B3GLCT: variants seen among roughly 807,000 people sequenced by gnomAD.
B3GLCT encodes the protein beta 3-glucosyltransferase, also known as beta-1,3-glucosyltransferase.
A neutral mutation model predicts 63.4 loss-of-function variants in B3GLCT; 65 were observed. The ratio of observed to expected loss-of-function variants is 1.03; its 90% CI spans 0.84 to 1.26. The LOEUF is 1.26. Ranked by LOEUF, B3GLCT falls within the 50% of genes most tolerant of loss-of-function variation. B3GLCT has a pLI of 0.00. For missense variants in B3GLCT, 577 were observed against 604.8 expected (o/e 0.95, Z 0.48); for synonymous variants, 233 against 219.2 (o/e 1.06, Z -0.55).
At chr13:31,320,334 A>T (rs1011790032) in intron 13 of B3GLCT, among the ~76,000 whole-genome samples, 1 of 152,164 alleles carries the variant, frequency 6.6e-6, no homozygotes, top group Non-Finnish European at 1.5e-5. Flanking sequence ...AGTTTGCCTG[A>T]TTACCAGCCT....
At chr13:31,299,615 G>A (rs1185480361) in intron 12 of B3GLCT, among the ~76,000 whole-genome samples, 2 of 152,166 alleles carry the variant, frequency 1.3e-5, no homozygotes, top group East Asian at 3.9e-4. Context: ...GTTCTTATTG[G>A]CATTTTGTGC....
chr13:31,275,044 A>G (rs1872719325), intron 9 of B3GLCT, among the ~76,000 whole-genome samples: 1 of 152,106 alleles, frequency 6.6e-6, no homozygotes, highest in Admixed American at 6.5e-5. Context: ...ATTCTTTCTT[A>G]TGGCTGCATA....
chr13:31,255,380 G>A (rs1350909963), intron 6 of B3GLCT, among the ~76,000 whole-genome samples: 1 of 152,096 alleles, frequency 6.6e-6, no homozygotes, highest in African/African-American at 2.4e-5. Flanking sequence ...TACTGACCAA[G>A]GTAATTTATA....
At chr13:31,274,262 G>A (rs956025678) in intron 8 of B3GLCT, among the ~76,000 whole-genome samples, 1 of 152,134 alleles carries the variant, frequency 6.6e-6, no homozygotes, top group African/African-American at 2.4e-5. Flanking sequence ...GCATACTTCG[G>A]AATTTTTTGG....
intron 6 of B3GLCT, among the ~76,000 whole-genome samples, chr13:31,258,448 T>C (rs898812662): frequency 1.3e-5 from 2 of 152,198 alleles, no homozygotes; most frequent in African/African-American, 4.8e-5. Context: ...ACTACTACGC[T>C]GTTTCAGGCT....
Position 31,274,537 on chromosome 13 carries a change from G to A in B3GLCT, c.689G>A (p.Gly230Glu). The change falls in exon 9 of 15, where the codon GGA becomes GAA. Residue 230 changes from glycine (G) to glutamate (E), a missense_variant. By Grantham distance (98) the Gly-to-Glu change is moderately conservative. Coordinates refer to ENST00000343307, the MANE Select transcript of B3GLCT (RefSeq NM_194318.4). Reference protein sequence around the residue: ...EIALYIWDKGGGPPLTPVPEF... With the variant: ...EIALYIWDKGEGPPLTPVPEF... ...GCCCTCTACATCTGGGACAAAGGCGGAGGACCTCCCCTGACCCCAGTGCCT... is the reference window on the plus strand; with the variant it reads ...GCCCTCTACATCTGGGACAAAGGCGAAGGACCTCCCCTGACCCCAGTGCCT... 3 of 1,614,184 alleles carry A rather than the reference G, an allele frequency of 1.9e-6. No individual in the cohort carries two copies. Among genetic ancestry groups the A allele is most frequent in the Non-Finnish European group, 2.5e-6 (3 of 1,180,024 alleles).
chr13:31,285,848 T>C (rs1023621273), intron 11 of B3GLCT, among the ~76,000 whole-genome samples: 3 of 152,216 alleles, frequency 2.0e-5, no homozygotes, highest in Non-Finnish European at 2.9e-5. Context: ...TATTTACTTA[T>C]ACCTTATTTG....
intron 1 of B3GLCT, among the ~76,000 whole-genome samples, chr13:31,208,330 T>C (rs577665571): frequency 5.3e-5 from 8 of 152,236 alleles, no homozygotes; most frequent in Admixed American, 5.2e-4. Flanking sequence ...AATGTTGCAG[T>C]TCCCCTGAGC....
In B3GLCT at chr13:31,277,697, CAAATA is replaced by C. The variant is rs1001419454; in HGVS notation, c.850+933_850+937del. Among the ~76,000 whole-genome samples, 22 of 151,942 alleles carry C rather than the reference CAAATA, an allele frequency of 1.4e-4. 1 individual carries two copies. Among genetic ancestry groups the C allele is most frequent in the African/African-American group, 3.4e-4 (14 of 41,448 alleles). On this transcript the variant is annotated intron_variant, in intron 10 of 14. Coordinates refer to ENST00000343307, the MANE Select transcript of B3GLCT (RefSeq NM_194318.4). ...ATATTTTACAGGGGAAGATGTTTTC[CAAATA>C]AAATAATATTATAATTTGAGATTAT...
chr13:31,272,437 T>C (rs553349595), intron 8 of B3GLCT, among the ~76,000 whole-genome samples: 1 of 152,090 alleles, frequency 6.6e-6, no homozygotes, highest in Non-Finnish European at 1.5e-5. Flanking sequence ...AGGCTGGTCT[T>C]GAATTCCTGA....
chr13:31,274,934 A>G (rs552372106), intron 9 of B3GLCT, among the ~76,000 whole-genome samples: 1 of 152,224 alleles, frequency 6.6e-6, no homozygotes, highest in South Asian at 2.1e-4. Context: ...GCTTCCACTT[A>G]TAAGTGAGAA....
At chr13:31,309,759 G>A (rs1874609997) in intron 12 of B3GLCT, among the ~76,000 whole-genome samples, 1 of 152,138 alleles carries the variant, frequency 6.6e-6, no homozygotes, top group South Asian at 2.1e-4. Flanking sequence ...TCCTTTTGGG[G>A]TTTTATGGAG....
intron 12 of B3GLCT, among the ~76,000 whole-genome samples, chr13:31,290,576 C>T (rs1239078219): frequency 6.6e-6 from 1 of 152,186 alleles, no homozygotes; most frequent in Non-Finnish European, 1.5e-5. Flanking sequence ...GAGATGGTAT[C>T]TCATTGTGGT....
At chr13:31,310,214 T>C (rs1203500381) in intron 12 of B3GLCT, among the ~76,000 whole-genome samples, 1 of 152,192 alleles carries the variant, frequency 6.6e-6, no homozygotes, top group African/African-American at 2.4e-5. Flanking sequence ...CAGCCACATA[T>C]TGGGACTACC....
intron 6 of B3GLCT, among the ~76,000 whole-genome samples, chr13:31,260,735 T>C (rs1845810296): frequency 6.6e-6 from 1 of 152,228 alleles, no homozygotes; most frequent in African/African-American, 2.4e-5. Context: ...TGATCAGATC[T>C]TGAACTACTT....
intron 1 of B3GLCT, among the ~76,000 whole-genome samples, chr13:31,213,048 GTGTGTGTGTA>G (rs1566042158): frequency 6.6e-6 from 1 of 150,398 alleles, no homozygotes; most frequent in African/African-American, 2.5e-5. Flanking sequence ...ACGCGTGCGC[GTGTGTGTGTA>G]TGTGTGTGTA....
chr13:31,224,187 G>A (rs1024043833), intron 3 of B3GLCT, among the ~76,000 whole-genome samples: 8 of 152,082 alleles, frequency 5.3e-5, no homozygotes, highest in Non-Finnish European at 8.8e-5. Context: ...AAGGAACCAC[G>A]TCAATTTGTT....
chr13:31,226,047 T>G (rs1870086355), intron 3 of B3GLCT, among the ~76,000 whole-genome samples: 2 of 152,232 alleles, frequency 1.3e-5, no homozygotes, highest in African/African-American at 4.8e-5. Flanking sequence ...CTGTGGGCTC[T>G]GTGGTGATCC....
At chr13:31,302,183 C>T (rs1054580191) in intron 12 of B3GLCT, among the ~76,000 whole-genome samples, 4 of 152,182 alleles carry the variant, frequency 2.6e-5, no homozygotes, top group Non-Finnish European at 5.9e-5. Flanking sequence ...CTGGAACTGT[C>T]TTGGTTTTGC....
Sources: gnomAD v4.1 joint callset for allele counts (sites outside exome capture counted in the v4.1 genomes callset) on GRCh38, gnomAD v4.1.1 for gene constraint, MANE v1.5 for transcripts, NCBI Gene and HGNC (gene_info 2026-07-23, HGNC 2026-07-21) for gene names.